PTPRM: variants seen among roughly 807,000 people sequenced by gnomAD.
The protein encoded by PTPRM is protein tyrosine phosphatase receptor type M.
A neutral mutation model predicts 186.7 loss-of-function variants in PTPRM; 47 were observed. The ratio of observed to expected loss-of-function variants is 0.25; its 90% confidence interval spans 0.20 to 0.32. PTPRM has a LOEUF of 0.32. Among genes scored for constraint, PTPRM ranks in the 10% least tolerant of loss-of-function variants. The probability of loss-of-function intolerance (pLI) is 1.00; values close to 1 mark genes in which losing one functional copy is unlikely to be tolerated. For synonymous variants in PTPRM, 668 were observed against 674.9 expected (o/e 0.99, Z 0.16); for missense variants, 1,494 against 1,865.0 (o/e 0.80, Z 3.66).
intron 2 of PTPRM, among the ~76,000 whole-genome samples, chr18:7,833,783 A>AACAAC: frequency 7.1e-6 from 1 of 140,372 alleles, no homozygotes; most frequent in Non-Finnish European, 1.6e-5. Context: ...CAACAACAAC[A>AACAAC]AAAGCAATGC....
At chr18:8,320,342 T>C (rs902225565) in intron 22 of PTPRM, among the ~76,000 whole-genome samples, 4 of 152,056 alleles carry the variant, frequency 2.6e-5, no homozygotes, top group African/African-American at 9.7e-5. Flanking sequence ...AGTTAACAGA[T>C]TGAGGCTGGG....
At chr18:8,335,632 G>T (rs1020846652) in intron 22 of PTPRM, among the ~76,000 whole-genome samples, 2 of 152,170 alleles carry the variant, frequency 1.3e-5, no homozygotes, top group Non-Finnish European at 2.9e-5. Flanking sequence ...ACAGATTCAA[G>T]CATACCAAAC....
Position 8,382,871 on chromosome 18 carries a change from A to G in PTPRM, c.3919-1690A>G, listed in dbSNP as rs186308829. Among the ~76,000 whole-genome samples, 214 of 152,320 alleles carry G rather than the reference A, an allele frequency of 1.4e-3. 1 individual carries two copies. The highest frequency in any genetic ancestry group is 4.7e-3 in the African/African-American group (196 of 41,560). On this transcript the variant is annotated intron_variant, in intron 29 of 32. Transcript: ENST00000580170. ...TCAGCCAGTGGATCCTCCTTTCCTG[A>G]CACATCATTCTGCATAAAATTAGGT...
intron 1 of PTPRM, among the ~76,000 whole-genome samples, chr18:7,607,398 T>C (rs913924314): frequency 1.9e-4 from 13 of 67,310 alleles, no homozygotes; most frequent in African/African-American, 8.5e-4. Context: ...AGTTGTCTCT[T>C]CTGCACATCT....
At chr18:8,191,705 G>A (rs1359796343) in intron 14 of PTPRM, among the ~76,000 whole-genome samples, 5 of 152,162 alleles carry the variant, frequency 3.3e-5, no homozygotes, top group African/African-American at 7.2e-5. Flanking sequence ...GAGTGAGCAG[G>A]GGAATGGGGA....
intron 23 of PTPRM, chr18:8,367,064 A>G (rs2095634534): frequency 6.6e-6 from 1 of 151,488 alleles, no homozygotes; most frequent in Non-Finnish European, 1.5e-5. Flanking sequence ...CGAGCCCCAC[A>G]CTCTCCAGAC....
At chr18:8,353,455 G>A (rs1789674600) in intron 23 of PTPRM, among the ~76,000 whole-genome samples, 1 of 152,182 alleles carries the variant, frequency 6.6e-6, no homozygotes. Context: ...GGCTCTAGGT[G>A]AAAGATGATG....
At chr18:7,770,365 C>A (rs1343740552) in intron 1 of PTPRM, among the ~76,000 whole-genome samples, 2 of 152,184 alleles carry the variant, frequency 1.3e-5, no homozygotes, top group Admixed American at 1.3e-4. Flanking sequence ...GCTCACAACT[C>A]TTCATCTTCT....
intron 32 of PTPRM, among the ~76,000 whole-genome samples, chr18:8,400,833 A>G (rs1433742604): frequency 6.6e-6 from 1 of 152,152 alleles, no homozygotes. Flanking sequence ...CTGTCCCTCA[A>G]TAGCTCTTGC....
At chr18:8,151,692 G>GAA (rs1242594668) in intron 14 of PTPRM, among the ~76,000 whole-genome samples, 3,424 of 105,146 alleles carry the variant, frequency 0.033, 62 homozygotes, top group African/African-American at 0.05. Context: ...CTGGGGTATG[G>GAA]AAAAAAAAAA....
At chr18:8,344,762 T>C (rs1313912755) in intron 23 of PTPRM, among the ~76,000 whole-genome samples, 1 of 151,952 alleles carries the variant, frequency 6.6e-6, no homozygotes, top group Non-Finnish European at 1.5e-5. Flanking sequence ...CCAGTCTTTG[T>C]GATCTTGGAT....
intron 14 of PTPRM, among the ~76,000 whole-genome samples, chr18:8,171,166 A>T (rs1016322886): frequency 6.6e-6 from 1 of 152,184 alleles, no homozygotes; most frequent in Non-Finnish European, 1.5e-5. Flanking sequence ...TTCTGGACCT[A>T]AATAACCTTT....
intron 32 of PTPRM, among the ~76,000 whole-genome samples, chr18:8,402,693 G>A (rs1271467620): frequency 5.3e-5 from 8 of 152,122 alleles, no homozygotes; most frequent in Admixed American, 1.3e-4. Context: ...CTGGTGATCT[G>A]ACAACGTGGC....
chr18:7,758,210 C>T (rs925307649), intron 1 of PTPRM, among the ~76,000 whole-genome samples: 29 of 152,202 alleles, frequency 1.9e-4, no homozygotes, highest in Admixed American at 9.8e-4. Flanking sequence ...CACAGATACG[C>T]ATTTGTCCTA....
chr18:7,752,696 GCCT>G (rs1319016411), intron 1 of PTPRM, among the ~76,000 whole-genome samples: 7 of 152,108 alleles, frequency 4.6e-5, no homozygotes, highest in Non-Finnish European at 8.8e-5. Flanking sequence ...GCCTACCTCG[GCCT>G]CCTAAGTGCT....
chr18:7,578,885 A>C (rs1187860271), intron 1 of PTPRM, among the ~76,000 whole-genome samples: 3 of 152,168 alleles, frequency 2.0e-5, no homozygotes, highest in Non-Finnish European at 4.4e-5. Flanking sequence ...AGACGGGTCC[A>C]TCAGTCTGTT....
intron 1 of PTPRM, among the ~76,000 whole-genome samples, chr18:7,740,848 G>A (rs370007412): frequency 1.1e-4 from 16 of 152,320 alleles, no homozygotes; most frequent in East Asian, 9.6e-4. Context: ...AAGCTATACG[G>A]TATGGGTTAT....
intron 1 of PTPRM, among the ~76,000 whole-genome samples, chr18:7,664,804 G>A (rs1351524173): frequency 6.6e-6 from 1 of 152,148 alleles, no homozygotes; most frequent in Non-Finnish European, 1.5e-5. Flanking sequence ...ATATATTACT[G>A]GGGCTGTATT....
chr18:7,590,023 G>A (rs2037082215), intron 1 of PTPRM, among the ~76,000 whole-genome samples: 1 of 152,180 alleles, frequency 6.6e-6, no homozygotes, highest in Non-Finnish European at 1.5e-5. Context: ...AAGCAGGTGG[G>A]TGTTGTTATC....
Sources: allele counts gnomAD v4.1 joint callset (sites outside exome capture counted in the v4.1 genomes callset), GRCh38; gene constraint gnomAD v4.1.1; transcripts MANE v1.5; gene names NCBI Gene and HGNC (gene_info 2026-07-23, HGNC 2026-07-21).